LNPK: variants seen among roughly 807,000 people sequenced by gnomAD.
LNPK encodes lunapark, ER junction formation factor.
LNPK carries 29 observed loss-of-function variants against 55.2 expected under a neutral mutation model. The observed-to-expected ratio is 0.53, with a 90% CI of 0.39 to 0.72. The LOEUF (loss-of-function observed/expected upper bound fraction) is 0.72, where lower values mean the gene tolerates loss of function less well. Ranked by LOEUF, LNPK falls within the 30% of genes least tolerant of loss-of-function variation. The pLI, the probability that LNPK is intolerant of heterozygous loss-of-function variation, is 0.00. For missense variants in LNPK, 467 were observed against 494.8 expected, an observed-to-expected ratio of 0.94 and a Z score of 0.53; for synonymous variants, 162 against 168.2, an observed-to-expected ratio of 0.96 and a Z score of 0.29.
At chr2:175,972,143 T>C (rs533327794) in intron 5 of LNPK, among the ~76,000 whole-genome samples, 1 of 152,120 alleles carries the variant, frequency 6.6e-6, no homozygotes, top group Non-Finnish European at 1.5e-5. Context: ...CTTGAACTCC[T>C]GACCTCAGGT....
At chr2:175,938,259 G>T in intron 11 of LNPK, 54 bp downstream of exon 11, 1 of 1,102,064 alleles carries the variant, frequency 9.1e-7, no homozygotes, top group South Asian at 1.3e-5. Flanking sequence ...AAATGGCATA[G>T]AATAAAATAT....
Position 175,926,176 on chromosome 2 carries a change from G to A in LNPK, c.*3791C>T, listed in dbSNP as rs1016860991. ...AAATCCCTCTTTTTCCACTTACCAG[G>A]TATACAATTTTAAGCAAAGTTGCTT... On this transcript the variant is annotated 3_prime_UTR_variant, in exon 13 of 13. Transcript: ENST00000272748. 2.6e-5 allele frequency: 4 copies of A among 152,148 alleles called. No homozygotes were observed. Among genetic ancestry groups the A allele is most frequent in the Non-Finnish European group, 5.9e-5 (4 of 68,012 alleles). 9.4% of individuals were successfully genotyped at this position (152,148 alleles called of 1,614,324 possible). A position where few individuals can be genotyped will look rare whatever the true frequency, so the allele number is the denominator to read the frequency against.
chr2:175,982,383 TA>T (rs1687216212), intron 4 of LNPK, among the ~76,000 whole-genome samples: 1 of 152,178 alleles, frequency 6.6e-6, no homozygotes, highest in African/African-American at 2.4e-5. Context: ...CTCTTCAAAA[TA>T]AAACTCACTA....
chr2:175,960,858 T>C (rs1056916929), intron 8 of LNPK, among the ~76,000 whole-genome samples: 4 of 151,676 alleles, frequency 2.6e-5, no homozygotes, highest in African/African-American at 9.7e-5. Context: ...ATAGACACAA[T>C]AAAAAATGAT....
chr2:176,002,313 C>A (rs758541446), upstream of LNPK: 6 of 428,224 alleles, frequency 1.4e-5, no homozygotes, highest in Non-Finnish European at 2.3e-5. Context: ...TCCAGCCGCT[C>A]GCCAATTGGC....
chr2:175,991,985 A>G (rs1227985326), intron 4 of LNPK, among the ~76,000 whole-genome samples: 1 of 152,162 alleles, frequency 6.6e-6, no homozygotes, highest in Non-Finnish European at 1.5e-5. Flanking sequence ...AGAAAATCAT[A>G]AAACATTGCC....
At chr2:175,941,198 C>T (rs1684822130) in intron 9 of LNPK, 2 of 288,582 alleles carry the variant, frequency 6.9e-6, no homozygotes, top group Admixed American at 9.6e-5. Context: ...CTGCAGTGAG[C>T]CATGATCGTA....
Position 175,993,074 on chromosome 2 carries a change from C to A in LNPK, c.69+108G>T, listed in dbSNP as rs1321538137. The A allele has an allele frequency of 9.0e-6, 6 of 663,574 alleles. No individual in the cohort carries two copies. In the East Asian group the frequency reaches 1.3e-4, roughly 14 times the overall value. The allele number at this position is 663,574 out of a possible 1,614,324, so 41.1% of individuals were successfully genotyped here. ...TAAAGTTCTCAGACTCACTCTATATCATTTCTAAATTCCCATACCAGATTT... is the reference window on the plus strand; with the variant it reads ...TAAAGTTCTCAGACTCACTCTATATAATTTCTAAATTCCCATACCAGATTT... On this transcript the variant is annotated intron_variant, in intron 3 of 12. Transcript: ENST00000272748.
intron 5 of LNPK, among the ~76,000 whole-genome samples, chr2:175,977,391 C>T (rs1686958682): frequency 6.6e-6 from 1 of 151,868 alleles, no homozygotes; most frequent in Non-Finnish European, 1.5e-5. Context: ...ACAGTAGATA[C>T]AGATTATTCT....
At chr2:175,981,374 A>C (rs1219286968) in intron 4 of LNPK, among the ~76,000 whole-genome samples, 1 of 152,202 alleles carries the variant, frequency 6.6e-6, no homozygotes, top group Non-Finnish European at 1.5e-5. Flanking sequence ...ACACTCAGCA[A>C]AGAACTGATG....
chr2:175,956,143 G>T (rs188784768), intron 8 of LNPK, among the ~76,000 whole-genome samples: 1 of 151,926 alleles, frequency 6.6e-6, no homozygotes, highest in Non-Finnish European at 1.5e-5. Context: ...AGCTGGGCAC[G>T]GTGGTACATA....
chr2:175,958,378 A>T lies in LNPK; in HGVS notation c.493+5994T>A, dbSNP rs190094561. Among the ~76,000 whole-genome samples the T allele has an allele frequency of 3.3e-5, 5 of 152,322 alleles. No homozygotes were observed. In the East Asian group the frequency reaches 9.7e-4, roughly 30 times the overall value. On this transcript the variant is annotated intron_variant, in intron 8 of 12. Transcript: ENST00000272748. ...GAAGCGTCCACAGGAAGGATCAGGC[A>T]GCAATATTTGCTGCTCTGCAGCCTC... is the stretch of plus-strand genomic sequence containing the variant.
chr2:175,989,751 G>A (rs1687606265), intron 4 of LNPK, among the ~76,000 whole-genome samples: 1 of 152,080 alleles, frequency 6.6e-6, no homozygotes, highest in South Asian at 2.1e-4. Flanking sequence ...AAAAGATCAA[G>A]GGAGGTAAAT....
chr2:175,965,520 T>G (rs981481131), intron 6 of LNPK, among the ~76,000 whole-genome samples: 3 of 152,200 alleles, frequency 2.0e-5, no homozygotes, highest in Admixed American at 6.5e-5. Context: ...TAAGATTCAT[T>G]AAATGTCATA....
At chr2:175,958,133 G>A (rs929070795) in intron 8 of LNPK, among the ~76,000 whole-genome samples, 1 of 152,238 alleles carries the variant, frequency 6.6e-6, no homozygotes. Context: ...TGGGGGCAGG[G>A]CATAGCTGAA....
intron 12 of LNPK, 50 bp downstream of exon 12, chr2:175,937,294 G>A (rs746245497): frequency 1.3e-6 from 2 of 1,514,696 alleles, no homozygotes; most frequent in East Asian, 4.5e-5. Flanking sequence ...TTTTATTACT[G>A]TTAAATAACA....
chr2:175,928,299 G>A lies in LNPK; in HGVS notation c.*1668C>T, dbSNP rs529857935. The A allele has an allele frequency of 6.6e-6, 1 of 152,102 alleles. No individual in the cohort carries two copies. Among genetic ancestry groups the A allele is most frequent in the Non-Finnish European group, 1.5e-5 (1 of 67,976 alleles). 9.4% of individuals were successfully genotyped at this position (152,102 alleles called of 1,614,324 possible). A position where few individuals can be genotyped will look rare whatever the true frequency, so the allele number is the denominator to read the frequency against. On this transcript the variant is annotated 3_prime_UTR_variant, in exon 13 of 13. Transcript: ENST00000272748. ...GAACAAATGCCATCGTTTTCAGGTA[G>A]TGTGCTAGGCACATTACATTATTTT...
chr2:175,983,342 G>C (rs1448310222), intron 4 of LNPK, among the ~76,000 whole-genome samples: 1 of 152,116 alleles, frequency 6.6e-6, no homozygotes, highest in African/African-American at 2.4e-5. Context: ...CACTGGCTGG[G>C]AAAAAATAAC....
chr2:175,942,531 C>T (rs999097514), intron 9 of LNPK, among the ~76,000 whole-genome samples: 3 of 151,924 alleles, frequency 2.0e-5, no homozygotes, highest in Admixed American at 2.0e-4. Context: ...AGCAGATAAA[C>T]ATCTGAAAAA....
Sources: gnomAD v4.1 joint callset for allele counts (sites outside exome capture counted in the v4.1 genomes callset) on GRCh38, gnomAD v4.1.1 for gene constraint, MANE v1.5 for transcripts, NCBI Gene and HGNC (gene_info 2026-07-23, HGNC 2026-07-21) for gene names.